The following PLD1 variants were observed in gnomAD, a reference collection of about 807,000 sequenced individuals.
PLD1 encodes the protein phospholipase D1.
Under a neutral mutation model 137.1 loss-of-function variants are expected in PLD1, and 112 were observed. That is an observed-to-expected ratio of 0.82 (90% CI 0.70 to 0.96). The LOEUF is 0.96. Ranked by LOEUF, PLD1 falls within the 40% of genes least tolerant of loss-of-function variation. The pLI, the probability that PLD1 is intolerant of heterozygous loss-of-function variation, is 0.00. For missense variants in PLD1, 1,321 were observed against 1,342.0 expected (o/e 0.98, Z 0.24); for synonymous variants, 431 against 454.7 (o/e 0.95, Z 0.66).
At chr3:171,686,573 A>G in intron 16 of PLD1, 112 bp downstream of exon 16, 1 of 664,610 alleles carries the variant, frequency 1.5e-6, no homozygotes, top group South Asian at 1.9e-5. Flanking sequence ...TACGTAGCAT[A>G]AAAATTGCAA....
intron 1 of PLD1, among the ~76,000 whole-genome samples, chr3:171,768,836 A>C (rs186301139): frequency 2.6e-5 from 4 of 152,240 alleles, no homozygotes; most frequent in Admixed American, 2.6e-4. Flanking sequence ...ATCAACAAGA[A>C]AGCATGTTGG....
intron 1 of PLD1, among the ~76,000 whole-genome samples, chr3:171,766,375 C>A (rs1172797396): frequency 6.6e-6 from 1 of 151,986 alleles, no homozygotes; most frequent in East Asian, 1.9e-4. Context: ...AAATATAAAT[C>A]ATCAGAAATC....
chr3:171,643,094 G>A, intron 22 of PLD1: 1 of 402,704 alleles, frequency 2.5e-6, no homozygotes, highest in Non-Finnish European at 4.4e-6. Context: ...GTTGTTTTGA[G>A]GTAGGTAAAT....
intron 25 of PLD1, among the ~76,000 whole-genome samples, chr3:171,606,005 A>G (rs9876786): frequency 0.049 from 7,450 of 152,298 alleles, 457 homozygotes; most frequent in African/African-American, 0.15. Flanking sequence ...TACATATTAA[A>G]ATACGGCTGC....
intron 16 of PLD1, among the ~76,000 whole-genome samples, chr3:171,682,241 T>C (rs774343608): frequency 6.6e-6 from 1 of 152,186 alleles, no homozygotes; most frequent in African/African-American, 2.4e-5. Flanking sequence ...TTCTCCCTCT[T>C]AGAACATAAT....
At chr3:171,750,196 T>C (rs2108289163) in intron 1 of PLD1, among the ~76,000 whole-genome samples, 1 of 152,352 alleles carries the variant, frequency 6.6e-6, no homozygotes, top group Non-Finnish European at 1.5e-5. Context: ...AAGGAAAATA[T>C]GGTTTTAGTG....
At chr3:171,678,923 G>A (rs116686456) in intron 16 of PLD1, among the ~76,000 whole-genome samples, 21 of 151,884 alleles carry the variant, frequency 1.4e-4, no homozygotes, top group African/African-American at 4.8e-4. Context: ...TACCTGAAAT[G>A]CTCCTTTCTC....
At chr3:171,627,031 A>C (rs1369376399) in intron 23 of PLD1, among the ~76,000 whole-genome samples, 1 of 152,002 alleles carries the variant, frequency 6.6e-6, no homozygotes, top group African/African-American at 2.4e-5. Context: ...ATGTAAATGG[A>C]CTAAATGCTC....
At chr3:171,629,204 C>A (rs147508202) in intron 23 of PLD1, among the ~76,000 whole-genome samples, 11,911 of 151,888 alleles carry the variant, frequency 0.078, 1,310 homozygotes, top group African/African-American at 0.25. Context: ...CACAAGCATT[C>A]TTATACACCA....
chr3:171,699,842 C>A lies in PLD1; in HGVS notation c.1146-16G>T. 6.2e-7 allele frequency: 1 copy of A among 1,600,336 alleles called. No individual in the cohort carries two copies. The highest frequency in any genetic ancestry group is 8.6e-7 in the Non-Finnish European group (1 of 1,168,870). On this transcript the variant is annotated splice_polypyrimidine_tract_variant and intron_variant, in intron 11 of 26. Transcript: ENST00000351298. ...TGGACTCAGCCTGAAACAATGAAAC[C>A]AAGATTTTAAGTAACTAAAACAAAA...
At chr3:171,665,648 C>T (rs1033525473) in intron 19 of PLD1, among the ~76,000 whole-genome samples, 3 of 151,148 alleles carry the variant, frequency 2.0e-5, no homozygotes, top group Non-Finnish European at 4.4e-5. Context: ...TGCAGTGAGC[C>T]GAAATCATAG....
At position 171,601,760 on chromosome 3, in the gene PLD1, G is replaced by A. The variant is rs1328832269; in HGVS notation, c.*1318C>T. 1.3e-5 allele frequency: 2 copies of A among 152,102 alleles called. No homozygotes were observed. Among genetic ancestry groups the A allele is most frequent in the Non-Finnish European group, 2.9e-5 (2 of 68,020 alleles). 9.4% of individuals were successfully genotyped at this position (152,102 alleles called of 1,614,324 possible). On this transcript the variant is annotated 3_prime_UTR_variant, in exon 27 of 27. Coordinates refer to ENST00000351298, the MANE Select transcript of PLD1 (RefSeq NM_002662.5). ...TGTATAATCATTACACCTGCATTTT[G>A]TTTTACAGGTACAGGCCTTTTGGTA... is the stretch of plus-strand genomic sequence containing the variant.
intron 1 of PLD1, among the ~76,000 whole-genome samples, chr3:171,745,654 A>G (rs1369153175): frequency 6.6e-6 from 1 of 152,196 alleles, no homozygotes; most frequent in Admixed American, 6.5e-5. Flanking sequence ...TTGCTTCCTC[A>G]GGAGTTGTAC....
chr3:171,717,869 T>C (rs1387894879), intron 8 of PLD1, among the ~76,000 whole-genome samples: 1 of 152,334 alleles, frequency 6.6e-6, no homozygotes, highest in Middle Eastern at 3.4e-3. Context: ...GGGTTTGTCA[T>C]AGATGGCTCT....
At chr3:171,693,679 T>C (rs1227658220) in intron 12 of PLD1, among the ~76,000 whole-genome samples, 1 of 152,178 alleles carries the variant, frequency 6.6e-6, no homozygotes, top group East Asian at 1.9e-4. Flanking sequence ...TACTGGATTA[T>C]GTATCTAAAT....
At chr3:171,678,435 A>G (rs1204393177) in intron 16 of PLD1, among the ~76,000 whole-genome samples, 1 of 152,250 alleles carries the variant, frequency 6.6e-6, no homozygotes, top group African/African-American at 2.4e-5. Flanking sequence ...AAAAGCAGCA[A>G]TCTACTATAG....
rs534394661 is a variant in PLD1 at position 171,720,170 on chromosome 3, C to A, written c.758+4526G>T. On this transcript the variant is annotated intron_variant, in intron 8 of 26. Coordinates refer to ENST00000351298, the MANE Select transcript of PLD1 (RefSeq NM_002662.5). Reference sequence around the variant, plus strand: ...TTTATCCAGGTGCGGTGGTATGCACCTGTATCCCTGCTATCTAGGGGGCTG... The same window carrying A: ...TTTATCCAGGTGCGGTGGTATGCACATGTATCCCTGCTATCTAGGGGGCTG... 2.1e-4 allele frequency among the ~76,000 whole-genome samples: 32 copies of A among 151,156 alleles called. No homozygotes were observed. In the South Asian group the frequency reaches 6.1e-3, roughly 29 times the overall value.
chr3:171,624,707 C>T (rs759144818), intron 23 of PLD1, among the ~76,000 whole-genome samples: 3 of 152,048 alleles, frequency 2.0e-5, no homozygotes, highest in East Asian at 1.9e-4. Flanking sequence ...TGCAGTGTTA[C>T]GAGAAATGAA....
chr3:171,645,480 G>A (rs917397363), intron 21 of PLD1, among the ~76,000 whole-genome samples: 2 of 151,978 alleles, frequency 1.3e-5, no homozygotes, highest in African/African-American at 2.4e-5. Context: ...TAGATCGCAG[G>A]GGCAAAAAGA....
Sources: allele counts gnomAD v4.1 joint callset (sites outside exome capture counted in the v4.1 genomes callset), GRCh38; gene constraint gnomAD v4.1.1; transcripts MANE v1.5; gene names NCBI Gene and HGNC (gene_info 2026-07-23, HGNC 2026-07-21).